PCDHA3: variants seen among roughly 807,000 people sequenced by gnomAD.
The protein encoded by PCDHA3 is protocadherin alpha-3.
Under a neutral mutation model 62.2 loss-of-function variants are expected in PCDHA3, and 41 were observed. The observed-to-expected ratio is 0.66, with a 90% CI of 0.51 to 0.86. PCDHA3 has a LOEUF of 0.86. Ranked by LOEUF, PCDHA3 falls within the 40% of genes least tolerant of loss-of-function variation. The probability of loss-of-function intolerance (pLI) is 0.00; values close to 1 mark genes in which losing one functional copy is unlikely to be tolerated. For synonymous variants in PCDHA3, 640 were observed against 555.4 expected, an observed-to-expected ratio of 1.15 and a Z score of -2.14; for missense variants, 1,304 against 1,241.2, an observed-to-expected ratio of 1.05 and a Z score of -0.76.
chr5:140,815,976 A>G (rs1175653553), intron 1 of PCDHA3: 2 of 152,168 alleles, frequency 1.3e-5, no homozygotes, highest in Non-Finnish European at 2.9e-5. Context: ...TTTGTACGTG[A>G]TGAGGCATTT....
chr5:140,854,644 T>C (rs1213707122), intron 1 of PCDHA3: 1 of 150,056 alleles, frequency 6.7e-6, no homozygotes, highest in African/African-American at 2.4e-5. Flanking sequence ...AAAACATCAT[T>C]AAATAAAATA....
At chr5:140,876,793 G>A (rs782321220) in intron 1 of PCDHA3, 2 of 1,614,240 alleles carry the variant, frequency 1.2e-6, no homozygotes, top group Non-Finnish European at 1.7e-6. Context: ...CACGGCTAGA[G>A]TGTCCGTGGA....
intron 1 of PCDHA3, chr5:140,804,762 G>T: frequency 4.2e-6 from 1 of 240,134 alleles, no homozygotes; most frequent in Non-Finnish European, 8.0e-6. Context: ...CTAGCAATTA[G>T]TTGGACTCCC....
At chr5:140,876,532 T>C in intron 1 of PCDHA3, 4 of 1,614,158 alleles carry the variant, frequency 2.5e-6, no homozygotes, top group Middle Eastern at 1.6e-4. Context: ...AATGGTTACT[T>C]CACTGTCGCT....
In PCDHA3 at chr5:140,820,166, G is replaced by C. The variant is rs183901333; in HGVS notation, c.2394+16575G>C. Among the ~76,000 whole-genome samples, 190 of 151,892 alleles carry C rather than the reference G, an allele frequency of 1.3e-3. 2 individuals are homozygous for C. Among genetic ancestry groups the C allele is most frequent in the Middle Eastern group, 6.9e-3 (2 of 290 alleles). On this transcript the variant is annotated intron_variant, in intron 1 of 3. Coordinates refer to ENST00000522353, the MANE Select transcript of PCDHA3 (RefSeq NM_018906.3). Reference sequence around the variant, plus strand: ...AAAATTATCAGTATGAAAACTATTAGGCAAATAGTCTGGGAAATTGATTTG... The same window carrying C: ...AAAATTATCAGTATGAAAACTATTACGCAAATAGTCTGGGAAATTGATTTG...
Position 140,850,285 on chromosome 5 carries a change from T to C in PCDHA3, c.2394+46694T>C. 3.8e-6 allele frequency: 6 copies of C among 1,595,604 alleles called. 1 individual carries two copies. The highest frequency in any genetic ancestry group is 4.5e-5 in the East Asian group (2 of 44,810). On this transcript the variant is annotated intron_variant, in intron 1 of 3. Coordinates refer to ENST00000522353, the MANE Select transcript of PCDHA3 (RefSeq NM_018906.3). ...GTAGTGGTGGGGAAGGTGCGCGCAG[T>C]GGACGCCGACTCGGGCTACAACGCG...
intron 1 of PCDHA3, among the ~76,000 whole-genome samples, chr5:140,971,538 C>T (rs1162304462): frequency 6.6e-6 from 1 of 152,122 alleles, no homozygotes; most frequent in African/African-American, 2.4e-5. Flanking sequence ...GTCATCATTG[C>T]CAGATCAACC....
Position 140,978,942 on chromosome 5 carries a change from T to C in PCDHA3, c.2395-7T>C, listed in dbSNP as rs781997267. 5 of 1,614,058 alleles carry C rather than the reference T, an allele frequency of 3.1e-6. No individual in the cohort carries two copies. The African/African-American group carries it at 6.7e-5, about 22-fold the overall frequency. ...TTTAACAGAAAACTCTCTTTGTGAT[T>C]TTGCAGCCACGACAGCCCAACCCTG... is the stretch of plus-strand genomic sequence containing the variant. On this transcript the variant is annotated splice_region_variant and splice_polypyrimidine_tract_variant and intron_variant, in intron 1 of 3. Coordinates refer to ENST00000522353, the MANE Select transcript of PCDHA3 (RefSeq NM_018906.3).
At chr5:140,863,428 G>A (rs528139564) in intron 1 of PCDHA3, 7 of 657,564 alleles carry the variant, frequency 1.1e-5, no homozygotes, top group Non-Finnish European at 1.9e-5. Context: ...CAGCGTAGTG[G>A]GATCTGGTCT....
At chr5:140,884,679 A>C (rs782535862) in intron 1 of PCDHA3, 12 of 1,551,914 alleles carry the variant, frequency 7.7e-6, no homozygotes, top group Non-Finnish European at 8.7e-6. Context: ...TTATATTTTA[A>C]AAAATTGTCT....
intron 1 of PCDHA3, chr5:140,804,906 T>G (rs1763477016): frequency 4.7e-6 from 4 of 848,738 alleles, no homozygotes; most frequent in Non-Finnish European, 6.7e-6. Flanking sequence ...ACTTCCATTT[T>G]CTTTATTTCC....
chr5:140,861,521 G>T, intron 1 of PCDHA3: 1 of 460,572 alleles, frequency 2.2e-6, no homozygotes, highest in Non-Finnish European at 4.5e-6. Flanking sequence ...TGTGTGGGAG[G>T]ATCTCGGAGT....
In PCDHA3 at chr5:140,801,176, T is replaced by C. The variant is rs782375561; in HGVS notation, c.-22T>C. 7.3e-5 allele frequency: 115 copies of C among 1,569,244 alleles called. No individual in the cohort carries two copies. The highest frequency in any genetic ancestry group is 9.6e-5 in the Non-Finnish European group (111 of 1,159,996). Reference sequence around the variant, plus strand: ...ACTTTGGATCAATGTAAAGGCAATCTAATATTTGGAAAATACTTGCAATGT... The same window carrying C: ...ACTTTGGATCAATGTAAAGGCAATCCAATATTTGGAAAATACTTGCAATGT... On this transcript the variant is annotated 5_prime_UTR_variant, in exon 1 of 4. Coordinates refer to ENST00000522353, the MANE Select transcript of PCDHA3 (RefSeq NM_018906.3).
intron 3 of PCDHA3, 102 bp downstream of exon 3, chr5:140,982,665 A>G (rs1318068299): frequency 2.0e-6 from 3 of 1,465,204 alleles, no homozygotes; most frequent in Middle Eastern, 2.1e-4. Context: ...TTTCTTTTAT[A>G]TTTTTGTTAT....
chr5:140,926,890 A>ACCCTCCCT (rs782687521), intron 1 of PCDHA3: 1 of 1,543,756 alleles, frequency 6.5e-7, no homozygotes, highest in Non-Finnish European at 8.7e-7. Context: ...GCCTAGAGGG[A>ACCCTCCCT]GGATGGTGGG....
intron 3 of PCDHA3, among the ~76,000 whole-genome samples, chr5:140,984,356 A>G (rs556586072): frequency 1.3e-5 from 2 of 152,362 alleles, no homozygotes; most frequent in African/African-American, 4.8e-5. Flanking sequence ...GATATTTCAT[A>G]CATCTGGCCA....
chr5:140,866,671 G>A (rs2049487363), intron 1 of PCDHA3: 1 of 152,084 alleles, frequency 6.6e-6, no homozygotes, highest in Admixed American at 6.5e-5. Context: ...AGAAATAATA[G>A]CACTAGGTCT....
chr5:140,983,901 AT>A (rs782712573), intron 3 of PCDHA3, among the ~76,000 whole-genome samples: 20 of 152,338 alleles, frequency 1.3e-4, no homozygotes, highest in Non-Finnish European at 2.6e-4. Context: ...GCATTCGTTG[AT>A]TCTAATCAGC....
In PCDHA3 at chr5:140,802,923, G is replaced by T. The variant is rs782417048; in HGVS notation, c.1726G>T (p.Ala576Ser). The change falls in exon 1 of 4, where the codon GCA (alanine) becomes TCA (serine). Residue 576 changes from alanine (A) to serine (S), a missense_variant. Ala to Ser is a moderately conservative substitution (Grantham distance 99, BLOSUM62 1). Coordinates refer to ENST00000522353, the MANE Select transcript of PCDHA3 (RefSeq NM_018906.3). The stretch of plus-strand genomic sequence containing the variant: ...GCCTCGGGTGGGTGGCATCGGTGGC[G>T]CAGTGAGCGAGCTGGTGCCGCGGTC... ...LMPRVGGIGG[A>S]VSELVPRSVG... 18 of 1,613,664 alleles carry T rather than the reference G, an allele frequency of 1.1e-5. No individual in the cohort carries two copies. Among genetic ancestry groups the T allele is most frequent in the Admixed American group, 3.3e-5 (2 of 59,990 alleles).
Sources: gnomAD v4.1 joint callset for allele counts (sites outside exome capture counted in the v4.1 genomes callset) on GRCh38, gnomAD v4.1.1 for gene constraint, MANE v1.5 for transcripts, NCBI Gene and HGNC (gene_info 2026-07-23, HGNC 2026-07-21) for gene names.